Variants in DCAF13 observed in about 807,000 individuals in gnomAD.
The protein encoded by DCAF13 is DDB1- and CUL4-associated factor 13.
DCAF13 carries 38 observed loss-of-function variants against 59.0 expected under a neutral mutation model. The observed-to-expected ratio is 0.64, with a 90% CI of 0.50 to 0.84. The LOEUF is 0.84. Among genes scored for constraint, DCAF13 ranks in the 40% least tolerant of loss-of-function variants. DCAF13 has a pLI of 0.00. For missense variants in DCAF13, 469 were observed against 558.4 expected (o/e 0.84, Z 1.61); for synonymous variants, 173 against 175.0 (o/e 0.99, Z 0.09).
chr8:103,429,475 C>T (rs536834190), intron 5 of DCAF13: 10 of 152,224 alleles, frequency 6.6e-5, no homozygotes, highest in African/African-American at 2.4e-4. Context: ...AGGCAGAAGC[C>T]AATAGTTGTG....
In DCAF13 at chr8:103,435,675, A is replaced by G. The variant is rs775039881; in HGVS notation, c.835A>G (p.Met279Val). 6.8e-6 allele frequency: 11 copies of G among 1,612,318 alleles called. No homozygotes were observed. Among genetic ancestry groups the G allele is most frequent in the South Asian group, 4.4e-5 (4 of 90,914 alleles). The change falls in exon 8 of 11, where the codon ATG becomes GTG. Residue 279 changes from methionine (M) to valine (V), a missense_variant. By Grantham distance (21) the Met-to-Val change is conservative. This residue lies in a region of DCAF13 where 355 missense variants were observed against 399.1 expected (regional missense o/e 0.89). Transcript: ENST00000612750. The stretch of plus-strand genomic sequence containing the variant: ...ACTGGACACTCCTGTAATGGTCCAT[A>G]TGGATCATGTATCTGCAGTGCTTGA... Reference protein sequence around the residue: ...RALDTPVMVHMDHVSAVLDVD... With the variant: ...RALDTPVMVHVDHVSAVLDVD...
rs1816704410 is a variant in DCAF13, at chr8:103,420,268, A to G, written c.75A>G (p.Pro25=). The G allele has an allele frequency of 6.2e-7, 1 of 1,613,386 alleles. No homozygotes were observed. Among genetic ancestry groups the G allele is most frequent in the Non-Finnish European group, 8.5e-7 (1 of 1,179,754 alleles). ...RETKLDLQRV[P]RNYDPALHPF... Reference sequence around the variant, plus strand: ...GAAGGATCATTCTTATTTCAGTTCCAAGAAACTATGATCCTGCTTTACATC... The same window carrying G: ...GAAGGATCATTCTTATTTCAGTTCCGAGAAACTATGATCCTGCTTTACATC... The change falls in exon 2 of 11, where the codon CCA becomes CCG. Residue 25 remains proline, a synonymous_variant. Coordinates refer to ENST00000612750, the MANE Select transcript of DCAF13 (RefSeq NM_015420.7).
intron 6 of DCAF13, among the ~76,000 whole-genome samples, chr8:103,431,048 G>T (rs548889760): frequency 6.6e-6 from 1 of 152,260 alleles, no homozygotes; most frequent in East Asian, 1.9e-4. Context: ...CAAGCCCCAT[G>T]ATTATCGTAT....
rs543504248 is a variant in DCAF13 at position 103,418,570 on chromosome 8, TAGAG to T, written c.71-1691_71-1688del. ...AAAACAAAACACAAAAAACTAGAAA[TAGAG>T]AGTTGAAAGATGAGTAAGTGTTGCA... is the stretch of plus-strand genomic sequence containing the variant. On this transcript the variant is annotated intron_variant, in intron 1 of 10. Coordinates refer to ENST00000612750, the MANE Select transcript of DCAF13 (RefSeq NM_015420.7). 1.2e-3 allele frequency among the ~76,000 whole-genome samples: 186 copies of T among 151,160 alleles called. 1 individual carries two copies. Among genetic ancestry groups the T allele is most frequent in the African/African-American group, 4.2e-3 (175 of 41,200 alleles).
Position 103,427,130 on chromosome 8 carries a change from G to T in DCAF13, c.502G>T (p.Glu168Ter). 6.2e-7 allele frequency: 1 copy of T among 1,613,172 alleles called. No homozygotes were observed. Among genetic ancestry groups the T allele is most frequent in the Non-Finnish European group, 8.5e-7 (1 of 1,179,596 alleles). ...TACTGGGATTGATCATCACTGGAAAGAAGCTGTTTTTGCCACATGTGGACA... is the reference window on the plus strand; with the variant it reads ...TACTGGGATTGATCATCACTGGAAATAAGCTGTTTTTGCCACATGTGGACA... ...VYTGIDHHWKEAVFATCGQQV... is the reference protein window; with the variant it reads ...VYTGIDHHWK Residue 168 changes from glutamate to a stop codon, truncating the protein, a stop_gained, in exon 5 of 11, where the codon GAA (glutamate) becomes TAA (stop). Coordinates refer to ENST00000612750, the MANE Select transcript of DCAF13 (RefSeq NM_015420.7). LOFTEE classifies it high-confidence loss of function.
chr8:103,433,068 A>G (rs1376690323), intron 7 of DCAF13, among the ~76,000 whole-genome samples: 2 of 152,138 alleles, frequency 1.3e-5, no homozygotes, highest in African/African-American at 4.8e-5. Flanking sequence ...CTTTTGTGCT[A>G]TAATGCCTGA....
At chr8:103,440,353 G>A (rs773038401) in intron 9 of DCAF13, 82 bp downstream of exon 9, 127 of 1,227,072 alleles carry the variant, frequency 1.0e-4, no homozygotes, top group Non-Finnish European at 1.4e-4. Flanking sequence ...TTTACTTTTA[G>A]GTATTTTTGG....
Position 103,427,100 on chromosome 8 carries a change from G to A in DCAF13, c.472G>A (p.Val158Met), listed in dbSNP as rs1396160432. Residue 158 changes from valine to methionine, a missense_variant, in exon 5 of 11, where the codon GTG becomes ATG. Transcript: ENST00000612750. Reference sequence around the variant, plus strand: ...CTTAACCTTTTTGCTTTTAAAGACAGTGTATACTGGGATTGATCATCACTG... The same window carrying A: ...CTTAACCTTTTTGCTTTTAAAGACAATGTATACTGGGATTGATCATCACTG... ...EPLHTILGKTVYTGIDHHWKE... is the reference protein window; with the variant it reads ...EPLHTILGKTMYTGIDHHWKE... 2.5e-6 allele frequency: 4 copies of A among 1,609,130 alleles called. No individual in the cohort carries two copies. The highest frequency in any genetic ancestry group is 1.7e-5 in the Admixed American group (1 of 58,844).
Position 103,425,877 on chromosome 8 carries a change from G to T in DCAF13, c.379-179G>T, listed in dbSNP as rs149585075. ...ATATTTTTAGTTTTATGTACTTTAT[G>T]TATTTGTCACAAATCTTTACTAAAA... On this transcript the variant is annotated intron_variant, in intron 3 of 10. Coordinates refer to ENST00000612750, the MANE Select transcript of DCAF13 (RefSeq NM_015420.7). 2.3e-3 allele frequency among the ~76,000 whole-genome samples: 343 copies of T among 152,020 alleles called. 5 individuals carry two copies. Among genetic ancestry groups the T allele is most frequent in the African/African-American group, 7.7e-3 (318 of 41,450 alleles).
intron 10 of DCAF13, 24 bp from the exon 11 acceptor site, chr8:103,442,771 A>G (rs73299375): frequency 5.3e-6 from 8 of 1,500,942 alleles, no homozygotes; most frequent in East Asian, 2.4e-5. Flanking sequence ...TAACTTGCTT[A>G]TATTTTGTAT....
At chr8:103,440,006 G>T in intron 8 of DCAF13, 130 bp from the exon 9 acceptor site, 1 of 675,268 alleles carries the variant, frequency 1.5e-6, no homozygotes, top group Non-Finnish European at 2.2e-6. Flanking sequence ...AAAATACATT[G>T]ACAAGAATTT....
chr8:103,423,691 G>A (rs1816752664), intron 3 of DCAF13, among the ~76,000 whole-genome samples: 1 of 152,128 alleles, frequency 6.6e-6, no homozygotes, highest in Non-Finnish European at 1.5e-5. Context: ...AAAATAATAA[G>A]TATGTGAGGT....
intron 4 of DCAF13, 27 bp downstream of exon 4, chr8:103,426,172 T>C (rs1816790882): frequency 7.5e-7 from 1 of 1,337,302 alleles, no homozygotes; most frequent in African/African-American, 1.5e-5. Flanking sequence ...ACTAATAGCT[T>C]GCCTATTAAC....
intron 1 of DCAF13, among the ~76,000 whole-genome samples, chr8:103,417,530 T>C (rs540209550): frequency 1.3e-5 from 2 of 150,676 alleles, no homozygotes; most frequent in African/African-American, 4.9e-5. Flanking sequence ...TAGTCACAGC[T>C]ACTCAGGAGG....
chr8:103,440,891 G>T (rs1817001740), intron 9 of DCAF13: 1 of 152,238 alleles, frequency 6.6e-6, no homozygotes, highest in Non-Finnish European at 1.5e-5. Flanking sequence ...GTTTAAGAAG[G>T]AAAGGGTAAG....
chr8:103,418,840 A>ATATATATATATATATATATT (rs1816666682), intron 1 of DCAF13, among the ~76,000 whole-genome samples: 1 of 13,378 alleles, frequency 7.5e-5, no homozygotes, highest in Non-Finnish European at 1.4e-4. Flanking sequence ...ATATATATAT[A>ATATATATATATATATATATT]TATATATATA....
intron 1 of DCAF13, among the ~76,000 whole-genome samples, chr8:103,416,208 AT>A (rs1308545958): frequency 5.3e-5 from 8 of 152,208 alleles, no homozygotes; most frequent in African/African-American, 1.9e-4. Context: ...ATTAGTTTGA[AT>A]GAGGAGTAAG....
chr8:103,425,582 C>T (rs1816777118), intron 3 of DCAF13, among the ~76,000 whole-genome samples: 2 of 152,194 alleles, frequency 1.3e-5, no homozygotes, highest in Admixed American at 1.3e-4. Context: ...GCAGTTCATG[C>T]AGAAAAGGAC....
At chr8:103,440,945 A>G (rs1159354246) in intron 9 of DCAF13, 1 of 152,404 alleles carries the variant, frequency 6.6e-6, no homozygotes, top group Non-Finnish European at 1.5e-5. Context: ...AATCAAAGGC[A>G]ATTCTGTTTT....
Sources: gnomAD v4.1 joint callset for allele counts (sites outside exome capture counted in the v4.1 genomes callset) on GRCh38, gnomAD v4.1.1 for gene constraint, gnomAD v4.1.1 regional missense constraint, MANE v1.5 for transcripts, NCBI Gene and HGNC (gene_info 2026-07-23, HGNC 2026-07-21) for gene names.